Variants in VAMP7 observed in about 807,000 individuals in gnomAD.
VAMP7 encodes vesicle-associated membrane protein 7.
VAMP7 carries 14 observed loss-of-function variants against 29.6 expected under a neutral mutation model. The ratio of observed to expected loss-of-function variants is 0.47; its 90% confidence interval spans 0.31 to 0.74. The LOEUF is 0.74. Ranked by LOEUF, VAMP7 falls within the 30% of genes least tolerant of loss-of-function variation. The pLI, the probability that VAMP7 is intolerant of heterozygous loss-of-function variation, is 0.05. For synonymous variants in VAMP7, 95 were observed against 88.1 expected (o/e 1.08, Z -0.44); for missense variants, 223 against 262.4 (o/e 0.85, Z 1.04).
At chrX:155,932,618 G>C (rs1011802277) in intron 6 of VAMP7, among the ~76,000 whole-genome samples, 20 of 152,056 alleles carry the variant, frequency 1.3e-4, no homozygotes, top group African/African-American at 4.3e-4. Context: ...TGAGATAATG[G>C]GGTTTTCTAG....
intron 6 of VAMP7, among the ~76,000 whole-genome samples, chrX:155,930,773 C>T (rs2066539853): frequency 6.6e-6 from 1 of 151,304 alleles, no homozygotes; most frequent in Non-Finnish European, 1.5e-5. Flanking sequence ...AGGTTTGTTA[C>T]ATATGTAAAC....
intron 1 of VAMP7, among the ~76,000 whole-genome samples, chrX:155,886,614 C>G (rs2065868594): frequency 6.6e-6 from 1 of 152,146 alleles, no homozygotes; most frequent in Non-Finnish European, 1.5e-5. Context: ...TCTAGTTCCT[C>G]CAGCCAGTCT....
chrX:155,933,563 T>G (rs2066598435), intron 6 of VAMP7, among the ~76,000 whole-genome samples: 1 of 152,198 alleles, frequency 6.6e-6, no homozygotes, highest in African/African-American at 2.4e-5. Context: ...CCTTTTATCA[T>G]TTTTTATTGC....
chrX:155,896,115 T>C (rs958326035), intron 3 of VAMP7, among the ~76,000 whole-genome samples: 2 of 152,204 alleles, frequency 1.3e-5, no homozygotes, highest in African/African-American at 4.8e-5. Context: ...GCAAACGTGA[T>C]GCGAACTTTA....
intron 6 of VAMP7, among the ~76,000 whole-genome samples, chrX:155,934,217 C>T (rs772064307): frequency 1.6e-4 from 25 of 152,136 alleles, no homozygotes; most frequent in Middle Eastern, 3.4e-3. Context: ...CTGTTAGGTC[C>T]GCTTGGTGCA....
At chrX:155,941,637 C>G (rs752503442) in intron 7 of VAMP7, among the ~76,000 whole-genome samples, 1 of 152,116 alleles carries the variant, frequency 6.6e-6, no homozygotes, top group South Asian at 2.1e-4. Flanking sequence ...AGAGCAACAA[C>G]CCCACTGCTT....
intron 6 of VAMP7, among the ~76,000 whole-genome samples, chrX:155,935,298 C>T (rs2066632436): frequency 6.6e-6 from 1 of 152,094 alleles, no homozygotes; most frequent in Non-Finnish European, 1.5e-5. Context: ...AGAGTGTTTT[C>T]CAACTTGGTT....
chrX:155,889,432 A>T (rs1362415111), intron 1 of VAMP7, 26 bp from the exon 2 acceptor site: 9 of 1,606,270 alleles, frequency 5.6e-6, no homozygotes, highest in African/African-American at 1.3e-5. Context: ...AAATATTCTA[A>T]ATCTGTGTCT....
At chrX:155,915,443 T>C (rs2066298079) in intron 5 of VAMP7, among the ~76,000 whole-genome samples, 1 of 152,192 alleles carries the variant, frequency 6.6e-6, no homozygotes, top group African/African-American at 2.4e-5. Context: ...CTAGTTCTTT[T>C]AATTGTGATG....
Position 155,898,169 on chromosome X carries a change from A to C in VAMP7, c.262A>C (p.Thr88Pro). Reference sequence around the variant, plus strand: ...GAATGAGATAAAGAAGAGGTTCCAGACTACTTACGGTTCAAGAGCACAGAC... The same window carrying C: ...GAATGAGATAAAGAAGAGGTTCCAGCCTACTTACGGTTCAAGAGCACAGAC... ...FLNEIKKRFQ[T>P]TYGSRAQTAL... is the part of the protein sequence containing the mutation. Residue 88 changes from threonine to proline, a missense_variant, in exon 4 of 8, where the codon ACT becomes CCT. Coordinates refer to ENST00000286448, the MANE Select transcript of VAMP7 (RefSeq NM_005638.6). 1 of 1,613,646 alleles carries C rather than the reference A, an allele frequency of 6.2e-7. No homozygotes were observed. Among genetic ancestry groups the C allele is most frequent in the Non-Finnish European group, 8.5e-7 (1 of 1,179,660 alleles).
At chrX:155,939,613 TAATGG>T (rs1471962711) in intron 6 of VAMP7, 83 bp from the exon 7 acceptor site, 29 of 936,324 alleles carry the variant, frequency 3.1e-5, no homozygotes, top group Non-Finnish European at 4.8e-5. Context: ...TAAATGGAAT[TAATGG>T]AAGTAAAATG....
intron 6 of VAMP7, among the ~76,000 whole-genome samples, chrX:155,932,733 C>T (rs909169853): frequency 1.3e-5 from 2 of 152,152 alleles, no homozygotes; most frequent in Admixed American, 1.3e-4. Flanking sequence ...GCCAGAACTT[C>T]CAACACTATG....
chrX:155,904,369 AT>A (rs1199277851), intron 5 of VAMP7, among the ~76,000 whole-genome samples: 8 of 79,508 alleles, frequency 1.0e-4, no homozygotes, highest in East Asian at 4.0e-4. Context: ...ATAAAATAAA[AT>A]AAAAAAAGCA....
intron 2 of VAMP7, among the ~76,000 whole-genome samples, chrX:155,894,194 C>G (rs1452946611): frequency 6.6e-6 from 1 of 151,796 alleles, no homozygotes; most frequent in Non-Finnish European, 1.5e-5. Context: ...ATTACCCATT[C>G]TACTTTAGTT....
At chrX:155,906,296 G>C (rs1172300622) in intron 5 of VAMP7, among the ~76,000 whole-genome samples, 1 of 152,118 alleles carries the variant, frequency 6.6e-6, no homozygotes, top group African/African-American at 2.4e-5. Flanking sequence ...CAGGAATCCT[G>C]TTAGGCCAGT....
intron 6 of VAMP7, among the ~76,000 whole-genome samples, chrX:155,935,000 CT>C: frequency 6.6e-6 from 1 of 152,264 alleles, no homozygotes; most frequent in East Asian, 1.9e-4. Context: ...GTTGAAAATT[CT>C]TTTCTTTAAG....
At chrX:155,922,210 C>T (rs1390395072) in intron 6 of VAMP7, among the ~76,000 whole-genome samples, 1 of 151,904 alleles carries the variant, frequency 6.6e-6, no homozygotes, top group Admixed American at 6.6e-5. Context: ...TTTGTACATT[C>T]CTGCCTTTTA....
At chrX:155,920,311 C>T (rs1291798119) in intron 6 of VAMP7, among the ~76,000 whole-genome samples, 1 of 152,190 alleles carries the variant, frequency 6.6e-6, no homozygotes, top group East Asian at 1.9e-4. Flanking sequence ...TTGTATCAAT[C>T]AAGAGACATC....
intron 5 of VAMP7, among the ~76,000 whole-genome samples, chrX:155,906,685 C>T (rs6642372): frequency 6.6e-6 from 1 of 151,910 alleles, no homozygotes; most frequent in Admixed American, 6.5e-5. Context: ...CCTTGTTCTC[C>T]TTTATTAGTT....
Sources: allele counts gnomAD v4.1 joint callset (sites outside exome capture counted in the v4.1 genomes callset), GRCh38; gene constraint gnomAD v4.1.1; transcripts MANE v1.5; gene names NCBI Gene and HGNC (gene_info 2026-07-23, HGNC 2026-07-21).